COL19A1: variants seen among roughly 807,000 people sequenced by gnomAD.
COL19A1 encodes the protein collagen type XIX alpha 1 chain.
COL19A1 carries 159 observed loss-of-function variants against 190.2 expected under a neutral mutation model. That is an observed-to-expected ratio of 0.84 (90% confidence interval 0.73 to 0.95). The LOEUF is 0.95. COL19A1 is among the 40% of genes least tolerant of loss of function. COL19A1 has a pLI of 0.00. For synonymous variants in COL19A1, 509 were observed against 458.9 expected, an observed-to-expected ratio of 1.11 and a Z score of -1.39; for missense variants, 1,418 against 1,431.9, an observed-to-expected ratio of 0.99 and a Z score of 0.16.
chr6:70,145,722 C>CTTTTTTTTT (rs56306364), intron 25 of COL19A1, among the ~76,000 whole-genome samples: 16 of 128,146 alleles, frequency 1.2e-4, no homozygotes, highest in Admixed American at 2.5e-4. Context: ...CTTATTGTTT[C>CTTTTTTTTT]TTTTTTTTTT....
chr6:69,944,335 A>G (rs1773655769), intron 9 of COL19A1, among the ~76,000 whole-genome samples: 1 of 152,134 alleles, frequency 6.6e-6, no homozygotes, highest in African/African-American at 2.4e-5. Context: ...ACATAGAACA[A>G]CACATAAATA....
chr6:70,168,681 G>T lies in COL19A1; in HGVS notation c.2568G>T (p.Val856=), dbSNP rs963852516. The T allele has an allele frequency of 1.2e-6, 2 of 1,612,464 alleles. No homozygotes were observed. The highest frequency in any genetic ancestry group is 2.7e-5 in the African/African-American group (2 of 74,810). Residue 856 remains valine, a splice_region_variant and synonymous_variant, in exon 40 of 51, where the codon GTG becomes GTT. Transcript: ENST00000620364. ...PPGPKGDPGP[V]GEPGAMGLPG... is the part of the protein sequence containing the mutation. ...GCCCAAAAGGCGATCCTGGCCCAGT[G>T]GTATGAATGTTCCCATGTTTTGTGT...
chr6:69,924,561 A>G (rs1772226674), intron 4 of COL19A1, among the ~76,000 whole-genome samples: 1 of 152,130 alleles, frequency 6.6e-6, no homozygotes, highest in African/African-American at 2.4e-5. Flanking sequence ...CGCAATAAAC[A>G]TATGTGTGCA....
chr6:70,118,873 C>T (rs1784731831), intron 16 of COL19A1, among the ~76,000 whole-genome samples: 1 of 152,124 alleles, frequency 6.6e-6, no homozygotes, highest in Admixed American at 6.6e-5. Flanking sequence ...CATATTCTCC[C>T]ACCCCACCCC....
intron 18 of COL19A1, among the ~76,000 whole-genome samples, chr6:70,131,707 A>G (rs1464773062): frequency 6.6e-6 from 1 of 152,248 alleles, no homozygotes; most frequent in African/African-American, 2.4e-5. Flanking sequence ...AGCTTGTCAC[A>G]TAGGACAGCT....
intron 9 of COL19A1, among the ~76,000 whole-genome samples, chr6:69,954,520 A>G (rs1774303191): frequency 1.3e-5 from 2 of 152,084 alleles, no homozygotes. Flanking sequence ...AGTCCTTCGT[A>G]CTTTCTACAG....
At chr6:69,879,487 G>C in intron 1 of COL19A1, 49 bp from the exon 2 acceptor site, 1 of 1,018,890 alleles carries the variant, frequency 9.8e-7, no homozygotes, top group Admixed American at 2.0e-5. Flanking sequence ...GATGTTGAAA[G>C]GAGCTGCATA....
At chr6:69,883,199 G>A (rs1254598669) in intron 2 of COL19A1, among the ~76,000 whole-genome samples, 4 of 152,206 alleles carry the variant, frequency 2.6e-5, no homozygotes, top group Non-Finnish European at 5.9e-5. Flanking sequence ...CTGGAGCCAA[G>A]TGAATGAGGG....
At chr6:70,001,224 C>T (rs1334218434) in intron 11 of COL19A1, among the ~76,000 whole-genome samples, 1 of 152,106 alleles carries the variant, frequency 6.6e-6, no homozygotes, top group Non-Finnish European at 1.5e-5. Context: ...TTCCATTAGT[C>T]TATATGTCCG....
chr6:69,979,742 G>A (rs1368443783), intron 11 of COL19A1, among the ~76,000 whole-genome samples: 1 of 151,448 alleles, frequency 6.6e-6, no homozygotes, highest in Non-Finnish European at 1.5e-5. Flanking sequence ...TTAGAATTTA[G>A]ATACCAGGGA....
In COL19A1 at chr6:70,151,883, C is replaced by A. The variant is rs144504820; in HGVS notation, c.2079+445C>A. Among the ~76,000 whole-genome samples the A allele has an allele frequency of 1.9e-3, 294 of 152,214 alleles. 5 individuals carry two copies. Among genetic ancestry groups the A allele is most frequent in the African/African-American group, 6.6e-3 (276 of 41,544 alleles). On this transcript the variant is annotated intron_variant, in intron 31 of 50. Coordinates refer to ENST00000620364, the MANE Select transcript of COL19A1 (RefSeq NM_001858.6). ...AAAATCAGTGCTGCTCTATAAATAG[C>A]CACTTACAAGGCTGAATTTTGATGT... is the stretch of plus-strand genomic sequence containing the variant.
intron 9 of COL19A1, among the ~76,000 whole-genome samples, chr6:69,943,840 T>C (rs1773621967): frequency 6.6e-6 from 1 of 152,168 alleles, no homozygotes; most frequent in Non-Finnish European, 1.5e-5. Context: ...AATGTTACTC[T>C]TATTTATACA....
rs556218570 is a variant in COL19A1, at chr6:69,961,635, C to T, written c.982-1191C>T. On this transcript the variant is annotated intron_variant, in intron 10 of 50. Coordinates refer to ENST00000620364, the MANE Select transcript of COL19A1 (RefSeq NM_001858.6). ...AGTGGTGAAAAACAATACCTAACAA[C>T]TGACATATATTCTTTCCTGGTAACT... is the stretch of plus-strand genomic sequence containing the variant. Among the ~76,000 whole-genome samples the T allele has an allele frequency of 2.0e-5, 3 of 152,110 alleles. No homozygotes were observed. In the East Asian group the frequency reaches 5.8e-4, roughly 29 times the overall value.
chr6:70,086,417 G>A lies in COL19A1; in HGVS notation c.1225-15752G>A, dbSNP rs184847583. Among the ~76,000 whole-genome samples, 119 of 152,282 alleles carry A rather than the reference G, an allele frequency of 7.8e-4. 2 individuals carry two copies. The highest frequency in any genetic ancestry group is 1.3e-4 in the Non-Finnish European group (9 of 68,028). ...AAACTCGTGAGAGTAGTTATCCCAAGAGGAAGGTGAGGGAAAAAGGACTAC... is the reference window on the plus strand; with the variant it reads ...AAACTCGTGAGAGTAGTTATCCCAAAAGGAAGGTGAGGGAAAAAGGACTAC... On this transcript the variant is annotated intron_variant, in intron 15 of 50. Transcript: ENST00000620364.
intron 4 of COL19A1, among the ~76,000 whole-genome samples, chr6:69,917,825 T>TAA (rs141435216): frequency 6.6e-6 from 1 of 151,454 alleles, no homozygotes; most frequent in South Asian, 2.1e-4. Flanking sequence ...GCTGATGAGC[T>TAA]AAAAAAAAAT....
At chr6:69,962,099 G>T (rs554355918) in intron 10 of COL19A1, among the ~76,000 whole-genome samples, 1 of 152,136 alleles carries the variant, frequency 6.6e-6, no homozygotes, top group Admixed American at 6.6e-5. Context: ...ATGTTGTCAT[G>T]AGTGCCTGAC....
At chr6:69,950,913 C>G (rs1313801370) in intron 9 of COL19A1, among the ~76,000 whole-genome samples, 1 of 151,792 alleles carries the variant, frequency 6.6e-6, no homozygotes, top group Non-Finnish European at 1.5e-5. Context: ...ATATATTTCT[C>G]TAGAAGTGGG....
chr6:70,198,441 A>C (rs1017806300), intron 48 of COL19A1, among the ~76,000 whole-genome samples: 2 of 152,238 alleles, frequency 1.3e-5, no homozygotes, highest in African/African-American at 4.8e-5. Context: ...ATGCAAAAAG[A>C]AAAAGAAAAA....
intron 9 of COL19A1, among the ~76,000 whole-genome samples, chr6:69,939,449 G>A (rs1773313338): frequency 1.3e-5 from 2 of 152,038 alleles, no homozygotes; most frequent in African/African-American, 4.8e-5. Context: ...TGAAGCTTAG[G>A]GGGGTTAAAT....
Sources: gnomAD v4.1 joint callset for allele counts (sites outside exome capture counted in the v4.1 genomes callset) on GRCh38, gnomAD v4.1.1 for gene constraint, MANE v1.5 for transcripts, NCBI Gene and HGNC (gene_info 2026-07-23, HGNC 2026-07-21) for gene names.